Variants in NRXN1 observed in about 807,000 individuals in gnomAD.
NRXN1 encodes the protein neurexin 1, also known as neurexin-1.
NRXN1 carries 39 observed loss-of-function variants against 150.9 expected under a neutral mutation model. The observed-to-expected ratio is 0.26, with a 90% CI of 0.20 to 0.34. The LOEUF (loss-of-function observed/expected upper bound fraction) is 0.34. NRXN1 is among the 10% of genes least tolerant of loss of function. NRXN1 has a pLI of 1.00. For synonymous variants in NRXN1, 924 were observed against 757.0 expected (o/e 1.22, Z -3.62); for missense variants, 1,815 against 1,949.9 (o/e 0.93, Z 1.30).
chr2:50,730,721 G>C (rs1437192558), intron 5 of NRXN1, among the ~76,000 whole-genome samples: 4 of 130,664 alleles, frequency 3.1e-5, no homozygotes, highest in Non-Finnish European at 6.1e-5. Flanking sequence ...CGCACAGGCT[G>C]GAGTGCAGTG....
chr2:50,651,856 C>A (rs1368423073), intron 5 of NRXN1, among the ~76,000 whole-genome samples: 1 of 151,916 alleles, frequency 6.6e-6, no homozygotes, highest in Non-Finnish European at 1.5e-5. Flanking sequence ...AAGCACTGCA[C>A]AACAATAGTC....
At chr2:49,972,351 A>G (rs1028507712) in intron 21 of NRXN1, among the ~76,000 whole-genome samples, 8 of 152,214 alleles carry the variant, frequency 5.3e-5, no homozygotes, top group Non-Finnish European at 1.0e-4. Context: ...GATAAAATCA[A>G]CAAATACTTA....
chr2:50,488,881 CT>C (rs1206027720), intron 15 of NRXN1, among the ~76,000 whole-genome samples: 3 of 152,310 alleles, frequency 2.0e-5, no homozygotes, highest in East Asian at 3.9e-4. Context: ...CGCATCACCA[CT>C]CCTGGCATTC....
At chr2:49,941,034 G>A (rs1379119169) in intron 22 of NRXN1, among the ~76,000 whole-genome samples, 2 of 152,042 alleles carry the variant, frequency 1.3e-5, no homozygotes, top group African/African-American at 2.4e-5. Flanking sequence ...AGTAGCTGGT[G>A]TGTTTTGTAT....
intron 1 of NRXN1, among the ~76,000 whole-genome samples, chr2:51,031,377 G>A (rs1182610002): frequency 1.3e-5 from 2 of 152,050 alleles, no homozygotes; most frequent in African/African-American, 2.4e-5. Flanking sequence ...GGCTGCAGTT[G>A]CATATTTTAA....
chr2:50,282,312 A>C (rs2071568545), intron 17 of NRXN1, among the ~76,000 whole-genome samples: 1 of 152,190 alleles, frequency 6.6e-6, no homozygotes, highest in African/African-American at 2.4e-5. Flanking sequence ...CAGGTCACTC[A>C]GTCAGCAATG....
At chr2:50,036,177 T>C (rs1690006516) in intron 21 of NRXN1, among the ~76,000 whole-genome samples, 1 of 152,156 alleles carries the variant, frequency 6.6e-6, no homozygotes, top group Admixed American at 6.5e-5. Context: ...CGGAGGTAAC[T>C]GAATCATGGG....
chr2:50,545,336 A>G (rs926904734), intron 9 of NRXN1, among the ~76,000 whole-genome samples: 3 of 152,206 alleles, frequency 2.0e-5, no homozygotes, highest in African/African-American at 4.8e-5. Flanking sequence ...TATCAATCAA[A>G]TAACATTCTG....
chr2:50,822,004 G>A (rs973373234), intron 5 of NRXN1, among the ~76,000 whole-genome samples: 12 of 152,152 alleles, frequency 7.9e-5, no homozygotes, highest in African/African-American at 2.9e-4. Flanking sequence ...GTTTTGATAG[G>A]AAAACATTTT....
At chr2:50,393,742 C>A (rs2081888209) in intron 17 of NRXN1, among the ~76,000 whole-genome samples, 1 of 152,098 alleles carries the variant, frequency 6.6e-6, no homozygotes, top group Non-Finnish European at 1.5e-5. Context: ...TCAGGACTTT[C>A]TCCCTACATG....
intron 13 of NRXN1, among the ~76,000 whole-genome samples, chr2:50,504,115 A>C (rs1175499740): frequency 6.9e-6 from 1 of 145,078 alleles, no homozygotes; most frequent in Non-Finnish European, 1.5e-5. Context: ...TTCTAGATTA[A>C]AGGAGGCTAA....
At chr2:49,940,107 G>A (rs529052784) in intron 22 of NRXN1, among the ~76,000 whole-genome samples, 16 of 152,152 alleles carry the variant, frequency 1.1e-4, no homozygotes, top group African/African-American at 3.6e-4. Context: ...TTTTGAAGGT[G>A]GGGGAGGGTC....
chr2:50,399,789 T>TAAAAAAAAAAAAAA (rs562980355), intron 17 of NRXN1, among the ~76,000 whole-genome samples: 1 of 60,526 alleles, frequency 1.7e-5, no homozygotes, highest in Non-Finnish European at 3.0e-5. Context: ...AGAGAACTGG[T>TAAAAAAAAAAAAAA]AAAAAAAAAA....
At chr2:50,910,999 C>G (rs1378165182) in intron 5 of NRXN1, among the ~76,000 whole-genome samples, 1 of 151,992 alleles carries the variant, frequency 6.6e-6, no homozygotes, top group Non-Finnish European at 1.5e-5. Flanking sequence ...CCCCTATCAT[C>G]AAATCCCTCC....
intron 5 of NRXN1, among the ~76,000 whole-genome samples, chr2:50,818,108 C>G (rs1314147055): frequency 7.4e-6 from 1 of 135,868 alleles, no homozygotes; most frequent in African/African-American, 2.7e-5. Context: ...CCTAAAGACT[C>G]CATAGCAAAA....
intron 19 of NRXN1, among the ~76,000 whole-genome samples, chr2:50,061,617 T>C (rs1694547587): frequency 6.6e-6 from 1 of 152,226 alleles, no homozygotes; most frequent in Non-Finnish European, 1.5e-5. Flanking sequence ...AGGAATTTCA[T>C]CTCTTTCTAA....
At chr2:50,488,928 G>A (rs1296999094) in intron 15 of NRXN1, among the ~76,000 whole-genome samples, 1 of 152,184 alleles carries the variant, frequency 6.6e-6, no homozygotes, top group Non-Finnish European at 1.5e-5. Flanking sequence ...CTCATCTCTG[G>A]ATGACGATGA....
chr2:49,985,567 A>G (rs1436144699), intron 21 of NRXN1, among the ~76,000 whole-genome samples: 1 of 152,234 alleles, frequency 6.6e-6, no homozygotes. Context: ...TCAAGCAAAA[A>G]CAATGAAGTC....
chr2:50,518,462 T>C (rs1325108009), intron 12 of NRXN1, among the ~76,000 whole-genome samples: 1 of 151,952 alleles, frequency 6.6e-6, no homozygotes, highest in Non-Finnish European at 1.5e-5. Flanking sequence ...GTTTGTGTAG[T>C]GTTAAAGAAA....
Sources: allele counts gnomAD v4.1 joint callset (sites outside exome capture counted in the v4.1 genomes callset), GRCh38; gene constraint gnomAD v4.1.1; transcripts MANE v1.5; gene names NCBI Gene and HGNC (gene_info 2026-07-23, HGNC 2026-07-21).